Variants in SHANK2 observed in about 807,000 individuals in gnomAD.
SHANK2 encodes the protein SH3 and multiple ankyrin repeat domains 2, also known as SH3 and multiple ankyrin repeat domains protein 2.
Under a neutral mutation model 133.7 loss-of-function variants are expected in SHANK2, and 43 were observed. The observed-to-expected ratio is 0.32, with a 90% CI of 0.25 to 0.41. The LOEUF is 0.41. Among genes scored for constraint, SHANK2 ranks in the 10% least tolerant of loss-of-function variants. The probability of loss-of-function intolerance (pLI) is 1.00; values close to 1 mark genes in which losing one functional copy is unlikely to be tolerated. For missense variants in SHANK2, 1,994 were observed against 2,235.8 expected, an observed-to-expected ratio of 0.89 and a Z score of 2.18; for synonymous variants, 1,017 against 952.8, an observed-to-expected ratio of 1.07 and a Z score of -1.24.
At position 70,882,800 on chromosome 11, in the gene SHANK2, G is replaced by T. The variant is rs894903518; in HGVS notation, c.1174+13701C>A. Among the ~76,000 whole-genome samples the T allele has an allele frequency of 6.6e-6, 1 of 152,208 alleles. No homozygotes were observed. Among genetic ancestry groups the T allele is most frequent in the Non-Finnish European group, 1.5e-5 (1 of 68,040 alleles). ...CGCTGGCCCAGCATCTGCGAGCACA[G>T]GAAGCCAAGCGGCTGGCCTGGTCCT... On this transcript the variant is annotated intron_variant, in intron 11 of 25. Coordinates refer to ENST00000601538, the MANE Select transcript of SHANK2 (RefSeq NM_012309.5). The surrounding 1 kb of genome is among the most constrained non-coding windows in gnomAD (Gnocchi z 4.2).
At chr11:71,178,724 C>G (rs1202890392) in intron 2 of SHANK2, among the ~76,000 whole-genome samples, 1 of 152,206 alleles carries the variant, frequency 6.6e-6, no homozygotes, top group Non-Finnish European at 1.5e-5. Flanking sequence ...TGACTCACAC[C>G]TGTAATCCCA....
intron 15 of SHANK2, among the ~76,000 whole-genome samples, chr11:70,665,287 C>T (rs1555014594): frequency 6.6e-6 from 1 of 152,134 alleles, no homozygotes; most frequent in Non-Finnish European, 1.5e-5. Context: ...ACTACAGGCA[C>T]ACACCACCAT....
chr11:70,666,211 C>T (rs1316227772), intron 15 of SHANK2, among the ~76,000 whole-genome samples: 3 of 152,126 alleles, frequency 2.0e-5, no homozygotes, highest in Non-Finnish European at 4.4e-5. Context: ...CTGGCTTGGC[C>T]CAGGAAGTCA....
chr11:71,139,952 G>A (rs1416175221), intron 3 of SHANK2, among the ~76,000 whole-genome samples: 1 of 152,188 alleles, frequency 6.6e-6, no homozygotes, highest in Admixed American at 6.5e-5. Flanking sequence ...GGCATTGGGG[G>A]AGAAAAGGGG....
At chr11:70,838,338 G>A (rs1948854664) in intron 11 of SHANK2, among the ~76,000 whole-genome samples, 1 of 152,194 alleles carries the variant, frequency 6.6e-6, no homozygotes, top group African/African-American at 2.4e-5. Flanking sequence ...GCTTCCTTTG[G>A]TTGCACATTG....
At chr11:70,925,716 G>A (rs182378648) in intron 10 of SHANK2, among the ~76,000 whole-genome samples, 1 of 150,212 alleles carries the variant, frequency 6.7e-6, no homozygotes, top group East Asian at 1.9e-4. Flanking sequence ...GACCTCCCCT[G>A]CTTGCCTTGC....
chr11:70,636,548 CGT>C (rs779887287), intron 17 of SHANK2, among the ~76,000 whole-genome samples: 4 of 119,898 alleles, frequency 3.3e-5, no homozygotes, highest in Admixed American at 8.5e-5. Context: ...TGTGTGAATG[CGT>C]GTTAGTACAT....
chr11:71,229,765 GAA>G (rs55730780), intron 1 of SHANK2, among the ~76,000 whole-genome samples: 48,850 of 117,320 alleles, frequency 0.42, 8,225 homozygotes, highest in African/African-American at 0.6. Flanking sequence ...TCTCAAAAAA[GAA>G]AAAAAAAAAA....
chr11:71,199,874 A>C (rs1953983992), intron 2 of SHANK2, among the ~76,000 whole-genome samples: 1 of 152,246 alleles, frequency 6.6e-6, no homozygotes, highest in African/African-American at 2.4e-5. Flanking sequence ...GCAAAATGCC[A>C]GGCAGGAATC....
At chr11:70,821,788 C>T (rs907319450) in intron 11 of SHANK2, among the ~76,000 whole-genome samples, 2 of 152,196 alleles carry the variant, frequency 1.3e-5, no homozygotes, top group Admixed American at 6.5e-5. Flanking sequence ...ATACAGTCTC[C>T]GAGTCCACTG....
intron 13 of SHANK2, 140 bp downstream of exon 13, chr11:70,806,862 T>C (rs1379209873): frequency 1.5e-5 from 9 of 597,026 alleles, no homozygotes; most frequent in South Asian, 4.1e-5. Flanking sequence ...AACGTCACTC[T>C]GTTCCCCATT....
chr11:70,696,957 G>T (rs782303531), intron 15 of SHANK2, among the ~76,000 whole-genome samples: 1 of 152,198 alleles, frequency 6.6e-6, no homozygotes, highest in Non-Finnish European at 1.5e-5. Flanking sequence ...ATCCAGACAC[G>T]CTACAACACG....
chr11:71,187,413 G>T (rs547903568), intron 2 of SHANK2, among the ~76,000 whole-genome samples: 12 of 152,046 alleles, frequency 7.9e-5, no homozygotes, highest in Non-Finnish European at 1.6e-4. Context: ...GGTTTCTCAC[G>T]TTTTATTCAG....
At position 70,485,194 on chromosome 11, in the gene SHANK2, C is replaced by T; in HGVS notation, c.4979+120G>A. 2.4e-6 allele frequency: 2 copies of T among 827,316 alleles called. No homozygotes were observed. Among genetic ancestry groups the T allele is most frequent in the Non-Finnish European group, 4.1e-6 (2 of 493,282 alleles). The allele number at this position is 827,316 out of a possible 1,614,324, so 51.2% of individuals were successfully genotyped here. The stretch of plus-strand genomic sequence containing the variant: ...TGTTACTGCATTAACAGACGTGGCC[C>T]ACACAGGCTTTACGAATTCCCCTCT... On this transcript the variant is annotated intron_variant, in intron 25 of 25. Coordinates refer to ENST00000601538, the MANE Select transcript of SHANK2 (RefSeq NM_012309.5). This position sits in a 1 kb window ranked among gnomAD's most constrained non-coding sequence, Gnocchi z 5.8.
chr11:70,752,567 G>A (rs931829856), intron 14 of SHANK2, among the ~76,000 whole-genome samples: 3 of 151,896 alleles, frequency 2.0e-5, no homozygotes, highest in African/African-American at 2.4e-5. Context: ...TTAGCCGGGC[G>A]AAGTGGCGGG....
chr11:71,213,337 C>T (rs190495848), intron 2 of SHANK2, among the ~76,000 whole-genome samples: 190 of 152,280 alleles, frequency 1.2e-3, no homozygotes, highest in Admixed American at 2.0e-3. Flanking sequence ...CATACTCTTT[C>T]GTCCCTCTAT....
rs192084357 is a variant in SHANK2, at chr11:70,580,166, C to T, written c.2062-77235G>A. Among the ~76,000 whole-genome samples, 13 of 152,330 alleles carry T rather than the reference C, an allele frequency of 8.5e-5. No individual in the cohort carries two copies. The East Asian group carries it at 1.4e-3, about 16-fold the overall frequency. ...TACAAGGCTGAGAACATCAGAAAGC[C>T]GTGGACATCCACCAGGCTGCTGCGA... is the stretch of plus-strand genomic sequence containing the variant. On this transcript the variant is annotated intron_variant, in intron 17 of 25. Transcript: ENST00000601538.
At chr11:70,770,582 C>G (rs954753581) in intron 14 of SHANK2, among the ~76,000 whole-genome samples, 1 of 152,190 alleles carries the variant, frequency 6.6e-6, no homozygotes, top group Non-Finnish European at 1.5e-5. Flanking sequence ...TAAAACGGGT[C>G]CTCAGATGCA....
At chr11:70,527,422 C>T (rs2059413181) in intron 17 of SHANK2, among the ~76,000 whole-genome samples, 1 of 152,176 alleles carries the variant, frequency 6.6e-6, no homozygotes, top group Admixed American at 6.5e-5. Context: ...TCCCAGTGGG[C>T]CCTGGGGAAT....
Sources: gnomAD v4.1 joint callset for allele counts (sites outside exome capture counted in the v4.1 genomes callset) on GRCh38, gnomAD v4.1.1 for gene constraint, Gnocchi (gnomAD v3.1) non-coding constraint, MANE v1.5 for transcripts, NCBI Gene and HGNC (gene_info 2026-07-23, HGNC 2026-07-21) for gene names.